PLCG2: variants seen among roughly 807,000 people sequenced by gnomAD.
The protein encoded by PLCG2 is 1-phosphatidylinositol 4,5-bisphosphate phosphodiesterase gamma-2.
Under a neutral mutation model 175.6 loss-of-function variants are expected in PLCG2, and 69 were observed. The ratio of observed to expected loss-of-function variants is 0.39; its 90% CI spans 0.32 to 0.48. PLCG2 has a LOEUF of 0.48. PLCG2 is among the 20% of genes least tolerant of loss of function. The pLI is 0.91. For synonymous variants in PLCG2, 827 were observed against 624.0 expected (o/e 1.33, Z -4.85); for missense variants, 1,798 against 1,650.9 (o/e 1.09, Z -1.54).
At chr16:81,830,069 C>G (rs1306343280) in intron 2 of PLCG2, among the ~76,000 whole-genome samples, 1 of 151,968 alleles carries the variant, frequency 6.6e-6, no homozygotes, top group African/African-American at 2.4e-5. Flanking sequence ...CCTATAATCT[C>G]AGCACTTTGG....
chr16:81,930,391 C>T (rs1721278648), intron 24 of PLCG2, among the ~76,000 whole-genome samples: 1 of 152,166 alleles, frequency 6.6e-6, no homozygotes, highest in African/African-American at 2.4e-5. Flanking sequence ...TGGCTCATGG[C>T]TGCATTCTTC....
At chr16:81,820,379 T>C (rs1904741281) in intron 2 of PLCG2, among the ~76,000 whole-genome samples, 1 of 152,060 alleles carries the variant, frequency 6.6e-6, no homozygotes, top group East Asian at 1.9e-4. Flanking sequence ...TCATCCAGGA[T>C]TTTTCCTTGG....
intron 2 of PLCG2, among the ~76,000 whole-genome samples, chr16:81,787,582 G>A (rs1911035741): frequency 6.8e-6 from 1 of 147,568 alleles, no homozygotes; most frequent in African/African-American, 2.5e-5. Context: ...AATTCACATA[G>A]TATACATAGA....
At chr16:81,830,508 C>T (rs913543823) in intron 2 of PLCG2, among the ~76,000 whole-genome samples, 4 of 151,920 alleles carry the variant, frequency 2.6e-5, no homozygotes, top group Non-Finnish European at 5.9e-5. Context: ...GATTTCACCA[C>T]GTTGGCCATG....
At chr16:81,844,552 C>G (rs1429257118) in intron 2 of PLCG2, among the ~76,000 whole-genome samples, 7 of 151,802 alleles carry the variant, frequency 4.6e-5, no homozygotes, top group African/African-American at 1.7e-4. Context: ...AAACTCCCAA[C>G]TTCAAGTGAT....
intron 2 of PLCG2, among the ~76,000 whole-genome samples, chr16:81,811,931 C>T (rs1453888685): frequency 4.0e-5 from 6 of 151,800 alleles, no homozygotes; most frequent in South Asian, 4.1e-4. Flanking sequence ...GCTAGATCCT[C>T]GAGGAATTGC....
intron 2 of PLCG2, chr16:81,766,828 G>C (rs962569849): frequency 5.3e-5 from 8 of 152,208 alleles, no homozygotes; most frequent in African/African-American, 1.9e-4. Context: ...GACTTCAACT[G>C]GTCTTGACTT....
Position 81,826,911 on chromosome 16 carries a change from C to A in PLCG2, c.194-27533C>A, listed in dbSNP as rs555111650. ...ATCCATTTGAGGTCTTGGTTTATCCCTGCTGGAGATCCGCAGAACCAGCCT... is the reference window on the plus strand; with the variant it reads ...ATCCATTTGAGGTCTTGGTTTATCCATGCTGGAGATCCGCAGAACCAGCCT... On this transcript the variant is annotated intron_variant, in intron 2 of 32. Coordinates refer to ENST00000564138, the MANE Select transcript of PLCG2 (RefSeq NM_002661.5). 1.5e-3 allele frequency among the ~76,000 whole-genome samples: 228 copies of A among 152,286 alleles called. 1 individual carries two copies. Among genetic ancestry groups the A allele is most frequent in the Non-Finnish European group, 2.2e-3 (153 of 68,024 alleles).
intron 1 of PLCG2, among the ~76,000 whole-genome samples, chr16:81,784,399 A>G (rs1168771721): frequency 2.6e-5 from 4 of 152,126 alleles, no homozygotes; most frequent in Admixed American, 2.6e-4. Context: ...TTTAACCTCC[A>G]TTTTACAGAT....
At chr16:81,826,434 A>T (rs1240470590) in intron 2 of PLCG2, among the ~76,000 whole-genome samples, 1 of 152,174 alleles carries the variant, frequency 6.6e-6, no homozygotes, top group African/African-American at 2.4e-5. Flanking sequence ...TACCAGTGTG[A>T]CCTTGAGGTC....
chr16:81,940,300 T>C (rs1395601852), intron 30 of PLCG2, among the ~76,000 whole-genome samples: 1 of 152,178 alleles, frequency 6.6e-6, no homozygotes, highest in Non-Finnish European at 1.5e-5. Flanking sequence ...ACTGGATTGT[T>C]AGTGGATCCT....
At chr16:81,939,823 T>A in intron 29 of PLCG2, 69 bp from the exon 30 acceptor site, 1 of 1,001,774 alleles carries the variant, frequency 1.0e-6, no homozygotes, top group Non-Finnish European at 1.6e-6. Flanking sequence ...AGCTGAAGGA[T>A]GCGGAGATTG....
intron 2 of PLCG2, among the ~76,000 whole-genome samples, chr16:81,840,806 C>T (rs1255833272): frequency 6.6e-6 from 1 of 152,162 alleles, no homozygotes; most frequent in Non-Finnish European, 1.5e-5. Context: ...GAGGCAGCTC[C>T]CTTCCGAGTG....
In PLCG2 at chr16:81,960,228, C is replaced by G. The variant is rs1225798298; in HGVS notation, c.*2230C>G. ...CTTGGTGGTGTTAGGGACTGATTCTCTCAGGAAAGGCACACATGGTATGAT... is the reference window on the plus strand; with the variant it reads ...CTTGGTGGTGTTAGGGACTGATTCTGTCAGGAAAGGCACACATGGTATGAT... On this transcript the variant is annotated 3_prime_UTR_variant, in exon 33 of 33. Transcript: ENST00000564138. 4.5e-6 allele frequency: 1 copy of G among 220,654 alleles called. No homozygotes were observed. Among genetic ancestry groups the G allele is most frequent in the African/African-American group, 2.2e-5 (1 of 44,624 alleles). The allele number at this position is 220,654 out of a possible 1,614,324, so 13.7% of individuals were successfully genotyped here. A position where few individuals can be genotyped will look rare whatever the true frequency, so the allele number is the denominator to read the frequency against.
At chr16:81,804,248 T>A (rs946040645) in intron 2 of PLCG2, among the ~76,000 whole-genome samples, 10 of 152,206 alleles carry the variant, frequency 6.6e-5, no homozygotes, top group Non-Finnish European at 1.5e-4. Context: ...ACCATCCTAG[T>A]GGAGGTGAAG....
intron 2 of PLCG2, among the ~76,000 whole-genome samples, chr16:81,789,497 G>A (rs1019646626): frequency 2.0e-5 from 3 of 151,828 alleles, no homozygotes; most frequent in East Asian, 1.9e-4. Flanking sequence ...CTATGTTGCC[G>A]AGGCTGGTCT....
intron 1 of PLCG2, among the ~76,000 whole-genome samples, chr16:81,779,773 T>G (rs1266715478): frequency 6.6e-6 from 1 of 151,842 alleles, no homozygotes. Flanking sequence ...CTGCGTGGGG[T>G]GGCGCCGTCT....
At chr16:81,917,602 A>T (rs1909896081) in intron 19 of PLCG2, among the ~76,000 whole-genome samples, 1 of 152,210 alleles carries the variant, frequency 6.6e-6, no homozygotes, top group Non-Finnish European at 1.5e-5. Context: ...GTGACATCTC[A>T]TAGTGGTTTT....
At position 81,921,190 on chromosome 16, in the gene PLCG2, T is replaced by C. The variant is rs1307846187; in HGVS notation, c.2236-8T>C. 2 of 1,547,406 alleles carry C rather than the reference T, an allele frequency of 1.3e-6. No homozygotes were observed. Among genetic ancestry groups the C allele is most frequent in the Non-Finnish European group, 1.8e-6 (2 of 1,119,014 alleles). Reference sequence around the variant, plus strand: ...TTATTCCATTTCTTTCTTTCTTTTTTTTTCCAGGAAAGAGATATAAACTCC... The same window carrying C: ...TTATTCCATTTCTTTCTTTCTTTTTCTTTCCAGGAAAGAGATATAAACTCC... On this transcript the variant is annotated splice_polypyrimidine_tract_variant and splice_region_variant and intron_variant, in intron 20 of 32. Coordinates refer to ENST00000564138, the MANE Select transcript of PLCG2 (RefSeq NM_002661.5).
Sources: allele counts gnomAD v4.1 joint callset (sites outside exome capture counted in the v4.1 genomes callset), GRCh38; gene constraint gnomAD v4.1.1; transcripts MANE v1.5; gene names NCBI Gene and HGNC (gene_info 2026-07-23, HGNC 2026-07-21).